EYS: variants seen among roughly 807,000 people sequenced by gnomAD.
EYS encodes the protein EGF-like photoreceptor maintenance factor.
In EYS, 250 loss-of-function variants were observed where a neutral mutation model predicts 282.1. That is an observed-to-expected ratio of 0.89 (90% CI 0.80 to 0.98). The LOEUF is 0.98. Ranked by LOEUF, EYS falls within the 50% of genes least tolerant of loss-of-function variation. EYS has a pLI of 0.00. For synonymous variants in EYS, 1,355 were observed against 1,282.9 expected (o/e 1.06, Z -1.20); for missense variants, 4,016 against 3,709.0 (o/e 1.08, Z -2.15).
At chr6:64,458,624 T>A (rs1239148645) in intron 26 of EYS, among the ~76,000 whole-genome samples, 1 of 152,258 alleles carries the variant, frequency 6.6e-6, no homozygotes, top group East Asian at 1.9e-4. Context: ...TATCTCTGAT[T>A]TTTTGAGAAT....
At chr6:65,162,358 C>A (rs77905612) in intron 12 of EYS, among the ~76,000 whole-genome samples, 4 of 151,082 alleles carry the variant, frequency 2.6e-5, no homozygotes, top group African/African-American at 9.7e-5. Context: ...AATTAGAATG[C>A]GTGAGATAGA....
At chr6:64,141,504 CTT>C (rs1355829815) in intron 31 of EYS, among the ~76,000 whole-genome samples, 8 of 151,822 alleles carry the variant, frequency 5.3e-5, no homozygotes, top group African/African-American at 1.7e-4. Flanking sequence ...GAAACAGCCT[CTT>C]TTTTTATTTT....
intron 35 of EYS, among the ~76,000 whole-genome samples, chr6:63,946,126 C>T (rs769390956): frequency 5.3e-5 from 8 of 152,274 alleles, no homozygotes; most frequent in South Asian, 4.1e-4. Flanking sequence ...AGGGCTCTGA[C>T]GTACCCATCC....
intron 2 of EYS, among the ~76,000 whole-genome samples, chr6:65,546,506 CAA>C (rs1372497996): frequency 2.0e-5 from 3 of 151,994 alleles, no homozygotes; most frequent in African/African-American, 7.2e-5. Context: ...ATTTGACTTA[CAA>C]AGAGTTTTAT....
At chr6:65,552,243 T>C (rs1410866262) in intron 2 of EYS, among the ~76,000 whole-genome samples, 3 of 152,230 alleles carry the variant, frequency 2.0e-5, no homozygotes, top group Admixed American at 6.5e-5. Context: ...TCGACTACTT[T>C]GCTAGCTTTA....
rs535851500 is a variant in EYS, at chr6:65,622,939, G to A, written c.-333+16839C>T. ...CACCCGACTAATTTTCAAATTATTC[G>A]TACAGCTGAGATCTGTCTATGTTGC... On this transcript the variant is annotated intron_variant, in intron 2 of 42. Coordinates refer to ENST00000503581, the MANE Select transcript of EYS (RefSeq NM_001142800.2). 1.9e-4 allele frequency among the ~76,000 whole-genome samples: 29 copies of A among 151,998 alleles called. No individual in the cohort carries two copies. In the South Asian group the frequency reaches 2.3e-3, roughly 12 times the overall value.
At chr6:64,069,722 C>G (rs1467449897) in intron 32 of EYS, among the ~76,000 whole-genome samples, 6 of 152,022 alleles carry the variant, frequency 3.9e-5, no homozygotes, top group Non-Finnish European at 2.9e-5. Flanking sequence ...GAGTGGTTCT[C>G]AAACTCTTTG....
intron 40 of EYS, 171 bp downstream of exon 40, chr6:63,777,835 A>G (rs1181617833): frequency 3.2e-6 from 2 of 621,584 alleles, no homozygotes; most frequent in Non-Finnish European, 5.7e-6. Context: ...TGCTGATCCT[A>G]TTTTTAGTTG....
chr6:64,996,782 T>G (rs1771278970), intron 14 of EYS, among the ~76,000 whole-genome samples: 1 of 152,204 alleles, frequency 6.6e-6, no homozygotes, highest in Non-Finnish European at 1.5e-5. Flanking sequence ...TCAAAATATG[T>G]GGTGGCTGAA....
At chr6:65,401,234 C>G (rs1016315999) in intron 7 of EYS, among the ~76,000 whole-genome samples, 1 of 149,988 alleles carries the variant, frequency 6.7e-6, no homozygotes, top group Non-Finnish European at 1.5e-5. Flanking sequence ...TATTCTTTGA[C>G]TCATATGAGA....
chr6:63,926,508 C>G (rs755363502), intron 35 of EYS, among the ~76,000 whole-genome samples: 8 of 152,202 alleles, frequency 5.3e-5, no homozygotes, highest in Non-Finnish European at 8.8e-5. Flanking sequence ...CTTAACAGCA[C>G]TCCTAATGGC....
intron 22 of EYS, among the ~76,000 whole-genome samples, chr6:64,734,570 A>T (rs1004820188): frequency 6.6e-6 from 1 of 152,190 alleles, no homozygotes; most frequent in Non-Finnish European, 1.5e-5. Context: ...GTTGTTTATG[A>T]CTATTTCTAA....
In EYS at chr6:65,279,145, C is replaced by T. The variant is rs771667976; in HGVS notation, c.2023+16718G>A. 7.2e-5 allele frequency among the ~76,000 whole-genome samples: 11 copies of T among 151,978 alleles called. No homozygotes were observed. The South Asian group carries it at 1.0e-3, about 14-fold the overall frequency. The stretch of plus-strand genomic sequence containing the variant: ...GGAGGTTGACAATGAGCCAAGATCA[C>T]GCCACTGCACTTCACCCTGGGCGAC... On this transcript the variant is annotated intron_variant, in intron 12 of 42. Coordinates refer to ENST00000503581, the MANE Select transcript of EYS (RefSeq NM_001142800.2).
intron 1 of EYS, among the ~76,000 whole-genome samples, chr6:65,650,796 C>T (rs1767624768): frequency 6.6e-6 from 1 of 152,100 alleles, no homozygotes; most frequent in African/African-American, 2.4e-5. Context: ...CACATTTGCC[C>T]ATCTACTAAT....
intron 36 of EYS, among the ~76,000 whole-genome samples, chr6:63,862,778 T>C (rs1211029972): frequency 4.6e-5 from 7 of 152,168 alleles, no homozygotes; most frequent in African/African-American, 1.7e-4. Flanking sequence ...ATTCAGTCTA[T>C]AATGTTTTCT....
intron 2 of EYS, among the ~76,000 whole-genome samples, chr6:65,512,461 C>G (rs1436888482): frequency 6.9e-6 from 1 of 145,062 alleles, no homozygotes; most frequent in Non-Finnish European, 1.5e-5. Context: ...TGCACTCCAT[C>G]CAGTCTGGGC....
chr6:65,230,846 T>C (rs931875063), intron 12 of EYS, among the ~76,000 whole-genome samples: 27 of 151,574 alleles, frequency 1.8e-4, no homozygotes, highest in African/African-American at 6.3e-4. Context: ...GGGAAAAAAA[T>C]ATTTCATTGT....
At chr6:63,750,057 G>A (rs1248356475) in intron 41 of EYS, among the ~76,000 whole-genome samples, 2 of 151,956 alleles carry the variant, frequency 1.3e-5, no homozygotes, top group Non-Finnish European at 2.9e-5. Flanking sequence ...ATAATGAATT[G>A]TTCAGTTCAG....
At chr6:63,959,923 C>T (rs1399965319) in intron 35 of EYS, among the ~76,000 whole-genome samples, 1 of 151,924 alleles carries the variant, frequency 6.6e-6, no homozygotes, top group East Asian at 1.9e-4. Flanking sequence ...GGCTTAAAAC[C>T]TAGATGACGA....
Sources: allele counts gnomAD v4.1 joint callset (sites outside exome capture counted in the v4.1 genomes callset), GRCh38; gene constraint gnomAD v4.1.1; transcripts MANE v1.5; gene names NCBI Gene and HGNC (gene_info 2026-07-23, HGNC 2026-07-21).